ZNF730: variants seen among roughly 807,000 people sequenced by gnomAD.
The protein encoded by ZNF730 is zinc finger protein 730.
A neutral mutation model predicts 12.6 loss-of-function variants in ZNF730; 12 were observed. That is an observed-to-expected ratio of 0.95 (90% CI 0.61 to 1.54). ZNF730 has a LOEUF of 1.54. ZNF730 is among the 40% of genes most tolerant of loss of function. The probability of loss-of-function intolerance (pLI) is 0.00; values close to 1 mark genes in which losing one functional copy is unlikely to be tolerated. For missense variants in ZNF730, 643 were observed against 583.5 expected (o/e 1.10, Z -1.05); for synonymous variants, 194 against 195.8 (o/e 0.99, Z 0.08).
rs959519851 is a variant in ZNF730, at chr19:23,134,154, G to A, written c.78G>A (p.Gln26=). The A allele has an allele frequency of 1.9e-6, 3 of 1,612,976 alleles. No homozygotes were observed. Among genetic ancestry groups the A allele is most frequent in the Non-Finnish European group, 2.5e-6 (3 of 1,179,510 alleles). Residue 26 remains glutamine (Q), a synonymous_variant, in exon 2 of 4, where the codon CAG becomes CAA. Transcript: ENST00000597761. ...EEWQCLDTEQ[Q]NLYRNVMLDN... ...GGCAATGTCTGGACACCGAACAACA[G>A]AATTTATATAGAAATGTAATGTTAG...
chr19:23,132,280 A>G (rs957801845), intron 1 of ZNF730, among the ~76,000 whole-genome samples: 1 of 152,210 alleles, frequency 6.6e-6, no homozygotes. Flanking sequence ...CTCATCTGAG[A>G]AGAAATTCCA....
At chr19:23,127,461 C>G (rs867422173) in intron 1 of ZNF730, 266 of 1,102,880 alleles carry the variant, frequency 2.4e-4, no homozygotes, top group Middle Eastern at 2.0e-3. Context: ...CCTTCTCCTT[C>G]TCCAAGCTTC....
chr19:23,076,643 G>A (rs997837023), intron 1 of ZNF730, among the ~76,000 whole-genome samples: 15 of 152,164 alleles, frequency 9.9e-5, no homozygotes, highest in African/African-American at 3.6e-4. Context: ...GGTGGTCTGG[G>A]CCTGAGGACA....
chr19:23,111,463 T>C (rs1970459931), intron 1 of ZNF730, among the ~76,000 whole-genome samples: 2 of 152,064 alleles, frequency 1.3e-5, no homozygotes, highest in Admixed American at 1.3e-4. Flanking sequence ...AACAAGATAT[T>C]AGGCTGGGCA....
At chr19:23,085,836 C>CTTTTTTTTTTTTCTTT (rs1970052674) in intron 1 of ZNF730, among the ~76,000 whole-genome samples, 1 of 54,806 alleles carries the variant, frequency 1.8e-5, no homozygotes, top group African/African-American at 8.3e-5. Context: ...ATTTTTTTTT[C>CTTTTTTTTTTTTCTTT]TTTTTTTTTT....
intron 3 of ZNF730, among the ~76,000 whole-genome samples, chr19:23,140,488 G>A (rs1402912253): frequency 6.6e-6 from 1 of 151,306 alleles, no homozygotes; most frequent in East Asian, 2.0e-4. Flanking sequence ...GCGTGCACCT[G>A]TAATCCCAGC....
intron 1 of ZNF730, among the ~76,000 whole-genome samples, chr19:23,091,062 T>C (rs922306043): frequency 5.9e-5 from 9 of 151,674 alleles, no homozygotes; most frequent in African/African-American, 2.2e-4. Context: ...GTCCCCATGC[T>C]GTGTGCAGCC....
At chr19:23,108,865 T>A (rs962346376) in intron 1 of ZNF730, among the ~76,000 whole-genome samples, 2 of 150,560 alleles carry the variant, frequency 1.3e-5, no homozygotes, top group African/African-American at 4.8e-5. Context: ...TTCTCCTGTC[T>A]CAGCCTTCCA....
At chr19:23,111,264 G>T (rs1264877919) in intron 1 of ZNF730, among the ~76,000 whole-genome samples, 1 of 152,038 alleles carries the variant, frequency 6.6e-6, no homozygotes, top group Non-Finnish European at 1.5e-5. Context: ...GCTACCTGAT[G>T]AGCCATTTAA....
intron 1 of ZNF730, among the ~76,000 whole-genome samples, chr19:23,075,589 C>T (rs1273009267): frequency 6.6e-6 from 1 of 152,174 alleles, no homozygotes; most frequent in Non-Finnish European, 1.5e-5. Flanking sequence ...GCTGGGCGCC[C>T]TGTCTGGACC....
chr19:23,136,168 T>A, intron 3 of ZNF730, 125 bp downstream of exon 3: 1 of 689,678 alleles, frequency 1.4e-6, no homozygotes, highest in Non-Finnish European at 2.0e-6. Flanking sequence ...CTGTTTCTTT[T>A]TATTTATTTT....
intron 1 of ZNF730, among the ~76,000 whole-genome samples, chr19:23,094,390 C>A (rs1445808445): frequency 1.4e-5 from 2 of 141,356 alleles, no homozygotes; most frequent in Non-Finnish European, 3.0e-5. Context: ...ATCTATCTAT[C>A]TGTCTATCTG....
At chr19:23,116,876 T>A, upstream of ZNF730, 2 of 580,564 alleles carry the variant, frequency 3.4e-6, no homozygotes, top group Non-Finnish European at 3.0e-6. Context: ...GCTGTCACTC[T>A]TCATTCAGTC....
At chr19:23,116,305 TTTTCTTTTCTTTTCTTTTC>T (rs1333187944), upstream of ZNF730, among the ~76,000 whole-genome samples, 1 of 68,356 alleles carries the variant, frequency 1.5e-5, no homozygotes, top group Non-Finnish European at 3.4e-5. Flanking sequence ...CTGCTTTTTC[TTTTCTTTTCTTTTCTTTTC>T]TTTCTTTCTT....
chr19:23,136,454 G>A (rs185989696), intron 3 of ZNF730, among the ~76,000 whole-genome samples: 22 of 152,142 alleles, frequency 1.4e-4, no homozygotes, highest in East Asian at 1.4e-3. Flanking sequence ...ACCAGGGCTG[G>A]AGTGCAGTGG....
chr19:23,131,885 G>A (rs1970747133), intron 1 of ZNF730, among the ~76,000 whole-genome samples: 1 of 152,118 alleles, frequency 6.6e-6, no homozygotes, highest in Non-Finnish European at 1.5e-5. Context: ...GTGACTCTAA[G>A]TTGAGGCCAG....
chr19:23,136,171 T>C, intron 3 of ZNF730, 128 bp downstream of exon 3: 1 of 668,212 alleles, frequency 1.5e-6, no homozygotes, highest in Non-Finnish European at 2.1e-6. Context: ...TTTCTTTTTA[T>C]TTATTTTGCT....
At chr19:23,114,051 A>G (rs1161228003), upstream of ZNF730, among the ~76,000 whole-genome samples, 2 of 152,186 alleles carry the variant, frequency 1.3e-5, no homozygotes, top group Non-Finnish European at 2.9e-5. Context: ...CAATAAAAGG[A>G]TGTCAAATGT....
chr19:23,106,582 G>A (rs1048472248), intron 1 of ZNF730, among the ~76,000 whole-genome samples: 23 of 151,802 alleles, frequency 1.5e-4, no homozygotes, highest in African/African-American at 5.3e-4. Context: ...ACCTGAGGTC[G>A]AGAATTTGAG....
Sources: gnomAD v4.1 joint callset for allele counts (sites outside exome capture counted in the v4.1 genomes callset) on GRCh38, gnomAD v4.1.1 for gene constraint, MANE v1.5 for transcripts, NCBI Gene and HGNC (gene_info 2026-07-23, HGNC 2026-07-21) for gene names.